The following BAG4 variants were observed in gnomAD, a reference collection of about 807,000 sequenced individuals.
BAG4 encodes BAG family molecular chaperone regulator 4.
BAG4 carries 28 observed loss-of-function variants against 52.1 expected under a neutral mutation model. The ratio of observed to expected loss-of-function variants is 0.54; its 90% confidence interval spans 0.40 to 0.74. The LOEUF (loss-of-function observed/expected upper bound fraction) is 0.74, where lower values mean the gene tolerates loss of function less well. Among genes scored for constraint, BAG4 ranks in the 30% least tolerant of loss-of-function variants. BAG4 has a pLI of 0.00. For missense variants in BAG4, 525 were observed against 572.0 expected, an observed-to-expected ratio of 0.92 and a Z score of 0.84; for synonymous variants, 208 against 217.0, an observed-to-expected ratio of 0.96 and a Z score of 0.37.
chr8:38,209,237 A>G lies in BAG4; in HGVS notation c.858A>G (p.Ser286=), dbSNP rs749414231. ...SPWPSSGSPQ[S]PPSPPVQQPK... is the part of the protein sequence containing the mutation. ...GGCCTAGCAGTGGCTCTCCCCAGTC[A>G]CCCCCTTCACCCCCAGTCCAGCAGC... Residue 286 remains serine, a synonymous_variant, in exon 4 of 5, where the codon TCA becomes TCG. Coordinates refer to ENST00000287322, the MANE Select transcript of BAG4 (RefSeq NM_004874.4). 6 of 1,614,002 alleles carry G rather than the reference A, an allele frequency of 3.7e-6. No homozygotes were observed. The highest frequency in any genetic ancestry group is 5.1e-6 in the Non-Finnish European group (6 of 1,180,018).
At chr8:38,177,230 T>C (rs1197910287) in intron 1 of BAG4, 91 bp downstream of exon 1, 7 of 1,526,690 alleles carry the variant, frequency 4.6e-6, no homozygotes, top group Non-Finnish European at 5.3e-6. Context: ...GTTTTCCTTA[T>C]GTGGAGGAGG....
intron 2 of BAG4, among the ~76,000 whole-genome samples, chr8:38,205,058 G>A (rs750723055): frequency 9.9e-5 from 15 of 151,804 alleles, no homozygotes; most frequent in Non-Finnish European, 1.8e-4. Flanking sequence ...TTGAAGACAG[G>A]GTCTTACTGT....
chr8:38,208,928 G>T, intron 3 of BAG4, 85 bp from the exon 4 acceptor site: 1 of 1,448,158 alleles, frequency 6.9e-7, no homozygotes. Flanking sequence ...AAGAAGAGAG[G>T]AAGCATCTCA....
At chr8:38,195,380 C>T (rs541819107) in intron 2 of BAG4, among the ~76,000 whole-genome samples, 1 of 152,204 alleles carries the variant, frequency 6.6e-6, no homozygotes, top group Admixed American at 6.5e-5. Context: ...TCTCCCAATC[C>T]TGGGCTCAAG....
intron 2 of BAG4, chr8:38,204,102 C>T (rs1470449228): frequency 6.6e-6 from 1 of 152,200 alleles, no homozygotes; most frequent in Admixed American, 6.6e-5. Context: ...CTTTTGTAAA[C>T]ATGCATGTGA....
At chr8:38,179,080 A>ACC (rs1803219841) in intron 1 of BAG4, among the ~76,000 whole-genome samples, 3 of 152,252 alleles carry the variant, frequency 2.0e-5, no homozygotes, top group Non-Finnish European at 4.4e-5. Flanking sequence ...TTAAAAGGGT[A>ACC]GAGTTTATAG....
intron 1 of BAG4, among the ~76,000 whole-genome samples, chr8:38,184,616 C>T (rs1039515118): frequency 1.3e-5 from 2 of 152,164 alleles, no homozygotes; most frequent in African/African-American, 4.8e-5. Flanking sequence ...CTGACTGCTG[C>T]GTACAGGTTG....
At chr8:38,180,522 C>CTAAAAAAAAAAA (rs1803245446) in intron 1 of BAG4, among the ~76,000 whole-genome samples, 1 of 26,492 alleles carries the variant, frequency 3.8e-5, no homozygotes. Flanking sequence ...GACTCCGTCT[C>CTAAAAAAAAAAA]AAAAAAAAAA....
intron 2 of BAG4, among the ~76,000 whole-genome samples, chr8:38,193,797 G>A (rs1393596972): frequency 6.7e-6 from 1 of 150,088 alleles, no homozygotes; most frequent in Non-Finnish European, 1.5e-5. Flanking sequence ...GGAGTGCAGT[G>A]GCATGATCTT....
chr8:38,188,436 T>G lies in BAG4; in HGVS notation c.271-4252T>G, dbSNP rs2130669100. On this transcript the variant is annotated intron_variant, in intron 1 of 4. Transcript: ENST00000287322. ...ATGCAATAAAGAAAAGATAAATGTT[T>G]GAGGTGTCAGATATGCCAGTTACCC... Among the ~76,000 whole-genome samples, 2 of 152,036 alleles carry G rather than the reference T, an allele frequency of 1.3e-5. 1 individual carries two copies. Among genetic ancestry groups the G allele is most frequent in the South Asian group, 4.1e-4 (2 of 4,828 alleles).
intron 1 of BAG4, among the ~76,000 whole-genome samples, chr8:38,188,350 G>A (rs1372157350): frequency 6.6e-6 from 1 of 151,226 alleles, no homozygotes; most frequent in Non-Finnish European, 1.5e-5. Context: ...TCTAAAGGTG[G>A]CACACTTAAG....
chr8:38,209,419 C>A, intron 4 of BAG4, 152 bp downstream of exon 4: 1 of 984,100 alleles, frequency 1.0e-6, no homozygotes, highest in Non-Finnish European at 1.4e-6. Context: ...GCTCGGTTTC[C>A]TTTTTCTTTT....
rs564753927 is a variant in BAG4 at position 38,209,038 on chromosome 8, A to G, written c.659A>G (p.Tyr220Cys). The G allele has an allele frequency of 1.2e-6, 2 of 1,614,138 alleles. No homozygotes were observed. The highest frequency in any genetic ancestry group is 2.7e-5 in the African/African-American group (2 of 75,048). Residue 220 changes from tyrosine to cysteine, a missense_variant, in exon 4 of 5, where the codon TAT becomes TGT. Transcript: ENST00000287322. ...SQNPGMTLPH[Y>C]PYGDGNRSVP... is the part of the protein sequence containing the mutation. The stretch of plus-strand genomic sequence containing the variant: ...AACCCTGGAATGACCCTGCCCCATT[A>G]TCCTTATGGAGATGGTAATCGTAGT...
At chr8:38,193,467 T>G (rs1395617077) in intron 2 of BAG4, among the ~76,000 whole-genome samples, 1 of 152,186 alleles carries the variant, frequency 6.6e-6, no homozygotes, top group Admixed American at 6.5e-5. Flanking sequence ...CATGCAGATT[T>G]GTCAATTTCT....
In BAG4 at chr8:38,209,248, C is replaced by A. The variant is rs531742224; in HGVS notation, c.869C>A (p.Pro290His). Reference sequence around the variant, plus strand: ...GGCTCTCCCCAGTCACCCCCTTCACCCCCAGTCCAGCAGCCCAAGGTAGGA... The same window carrying A: ...GGCTCTCCCCAGTCACCCCCTTCACACCCAGTCCAGCAGCCCAAGGTAGGA... ...SSGSPQSPPSPPVQQPKDSSY... is the reference protein window; with the variant it reads ...SSGSPQSPPSHPVQQPKDSSY... Residue 290 changes from proline to histidine, a missense_variant, in exon 4 of 5, where the codon CCC becomes CAC. By Grantham distance (77) the Pro-to-His change is moderately conservative. This residue lies in a region of BAG4 where 238 missense variants were observed against 305.8 expected (regional missense o/e 0.78). Coordinates refer to ENST00000287322, the MANE Select transcript of BAG4 (RefSeq NM_004874.4). The A allele has an allele frequency of 4.3e-6, 7 of 1,614,058 alleles. No individual in the cohort carries two copies. The highest frequency in any genetic ancestry group is 5.9e-6 in the Non-Finnish European group (7 of 1,180,044).
At position 38,190,759 on chromosome 8, in the gene BAG4, C is replaced by CTTT. The variant is rs763468928; in HGVS notation, c.271-1916_271-1914dup. ...CGCCCAGCCCAAGTTGGTGGGTTGT[C>CTTT]TTTTTTTTTTTTTTTGAGACGGAGT... On this transcript the variant is annotated intron_variant, in intron 1 of 4. Coordinates refer to ENST00000287322, the MANE Select transcript of BAG4 (RefSeq NM_004874.4). 7.2e-3 allele frequency among the ~76,000 whole-genome samples: 963 copies of CTTT among 133,826 alleles called. 4 individuals are homozygous for CTTT. Among genetic ancestry groups the CTTT allele is most frequent in the South Asian group, 0.017 (71 of 4,126 alleles). 87.8% of individuals were successfully genotyped at this position (133,826 alleles called of 152,430 possible).
chr8:38,189,600 C>G (rs1803434403), intron 1 of BAG4, among the ~76,000 whole-genome samples: 1 of 152,092 alleles, frequency 6.6e-6, no homozygotes, highest in Admixed American at 6.6e-5. Flanking sequence ...TCTCTAGGCC[C>G]CAGGTTCAGT....
chr8:38,176,914 G>A lies in BAG4; in HGVS notation c.45G>A (p.Pro15=), dbSNP rs1339219107. The A allele has an allele frequency of 1.9e-6, 3 of 1,549,676 alleles. No homozygotes were observed. Among genetic ancestry groups the A allele is most frequent in the Admixed American group, 3.9e-5 (2 of 51,048 alleles). Residue 15 remains proline, a synonymous_variant, in exon 1 of 5, where the codon CCG becomes CCA. Transcript: ENST00000287322. The part of the protein sequence containing the change: ...RRSGYGPSDG[P]SYGRYYGPGG... ...CGGGCTACGGCCCCAGTGACGGTCC[G>A]TCCTACGGCCGCTACTACGGGCCTG...
At chr8:38,207,821 A>G (rs988827602) in intron 3 of BAG4, 55 bp downstream of exon 3, 6 of 1,589,842 alleles carry the variant, frequency 3.8e-6, no homozygotes, top group Admixed American at 1.7e-5. Flanking sequence ...CCTCTTGTAA[A>G]CAGTGGAAGA....
Sources: gnomAD v4.1 joint callset for allele counts (sites outside exome capture counted in the v4.1 genomes callset) on GRCh38, gnomAD v4.1.1 for gene constraint, gnomAD v4.1.1 regional missense constraint, MANE v1.5 for transcripts, NCBI Gene and HGNC (gene_info 2026-07-23, HGNC 2026-07-21) for gene names.